The following ATG12 variants were observed in gnomAD, a reference collection of about 807,000 sequenced individuals.
ATG12 encodes ubiquitin-like protein ATG12.
Under a neutral mutation model 17.6 loss-of-function variants are expected in ATG12, and 19 were observed. The observed-to-expected ratio is 1.08, with a 90% confidence interval of 0.75 to 1.58. The LOEUF (loss-of-function observed/expected upper bound fraction) is 1.58, where lower values mean the gene tolerates loss of function less well. ATG12 is among the 40% of genes most tolerant of loss of function. ATG12 has a pLI of 0.00. For synonymous variants in ATG12, 75 were observed against 62.4 expected, an observed-to-expected ratio of 1.20 and a Z score of -0.95; for missense variants, 214 against 162.0, an observed-to-expected ratio of 1.32 and a Z score of -1.74.
At chr5:115,841,271 G>A (rs2112739595) in intron 1 of ATG12, 119 bp downstream of exon 1, 1 of 1,320,008 alleles carries the variant, frequency 7.6e-7, no homozygotes, top group Non-Finnish European at 1.0e-6. Flanking sequence ...TCTGATGACT[G>A]GTCAAAATGC....
Position 115,835,899 on chromosome 5 carries a change from T to C in ATG12, c.300+1729A>G, listed in dbSNP as rs187525033. Among the ~76,000 whole-genome samples, 11 of 152,218 alleles carry C rather than the reference T, an allele frequency of 7.2e-5. No homozygotes were observed. The East Asian group carries it at 1.9e-3, about 27-fold the overall frequency. ...CATGGGGATACCTTATCACCTAGTTTTGTTACAAATACTAATCAGGGGTTT... is the reference window on the plus strand; with the variant it reads ...CATGGGGATACCTTATCACCTAGTTCTGTTACAAATACTAATCAGGGGTTT... On this transcript the variant is annotated intron_variant, in intron 2 of 3. Coordinates refer to ENST00000509910, the MANE Select transcript of ATG12 (RefSeq NM_004707.4).
At chr5:115,840,843 A>G in intron 1 of ATG12, 1 of 1,255,140 alleles carries the variant, frequency 8.0e-7, no homozygotes, top group Non-Finnish European at 1.0e-6. Context: ...TGTTTCTTAA[A>G]AAGGTAACAT....
rs61735405 is a variant in ATG12, at chr5:115,841,548, G to A, written c.5C>T (p.Ala2Val). The A allele has an allele frequency of 5.1e-5, 82 of 1,613,696 alleles. No homozygotes were observed. The highest frequency in any genetic ancestry group is 6.0e-5 in the Non-Finnish European group (71 of 1,179,848). The change falls in exon 1 of 4, where the codon GCG becomes GTG. Residue 2 changes from alanine (A) to valine (V), a missense_variant. By Grantham distance (64) the Ala-to-Val change is moderately conservative. Coordinates refer to ENST00000509910, the MANE Select transcript of ATG12 (RefSeq NM_004707.4). ...CTGCAACACAGACTGCGGCTCCTCC[G>A]CCATCTTGCTTGGAGACACTCGAGA... M[A>V]EEPQSVLQLP...
intron 2 of ATG12, chr5:115,832,903 T>TACA (rs1760947417): frequency 2.7e-6 from 1 of 368,338 alleles, no homozygotes; most frequent in Non-Finnish European, 4.9e-6. Flanking sequence ...TAACTTTGTA[T>TACA]AACTAAGAAA....
At chr5:115,841,102 C>G (rs1761428023) in intron 1 of ATG12, 1 of 352,726 alleles carries the variant, frequency 2.8e-6, no homozygotes, top group African/African-American at 2.3e-5. Flanking sequence ...CACTCAGCTC[C>G]CTCCCTCCTT....
At chr5:115,839,349 T>TA (rs1761234218) in intron 1 of ATG12, 1 of 152,052 alleles carries the variant, frequency 6.6e-6, no homozygotes, top group Non-Finnish European at 1.5e-5. Flanking sequence ...AAGAACTACT[T>TA]AATTATCCTA....
intron 2 of ATG12, chr5:115,835,060 T>C (rs1407262139): frequency 6.6e-6 from 1 of 152,182 alleles, no homozygotes; most frequent in Admixed American, 6.5e-5. Context: ...ATGTTCCTCC[T>C]ACTTTAGTCT....
chr5:115,839,577 T>C (rs1189654077), intron 1 of ATG12: 1 of 152,064 alleles, frequency 6.6e-6, no homozygotes, highest in Non-Finnish European at 1.5e-5. Flanking sequence ...AGAAGGAAAA[T>C]AATTTAATTA....
chr5:115,838,948 C>G (rs1431674059), intron 1 of ATG12: 2 of 152,056 alleles, frequency 1.3e-5, no homozygotes, highest in Admixed American at 6.5e-5. Flanking sequence ...ATGGTGAAAC[C>G]CCATCTCTAC....
In ATG12 at chr5:115,841,527, A is replaced by C. The variant is rs767122345; in HGVS notation, c.26T>G (p.Leu9Trp). The C allele has an allele frequency of 6.2e-7, 1 of 1,613,490 alleles. No homozygotes were observed. Among genetic ancestry groups the C allele is most frequent in the Non-Finnish European group, 8.5e-7 (1 of 1,179,788 alleles). MAEEPQSV[L>W]QLPTSIAAGG... ...AGCAGCAATTGAAGTAGGAAGCTGC[A>C]ACACAGACTGCGGCTCCTCCGCCAT... Residue 9 changes from leucine to tryptophan, a missense_variant, in exon 1 of 4, where the codon TTG becomes TGG. Transcript: ENST00000509910.
chr5:115,832,560 GTAAT>G (rs1760919393), intron 3 of ATG12, 38 bp downstream of exon 3: 7 of 1,244,990 alleles, frequency 5.6e-6, no homozygotes, highest in Non-Finnish European at 6.1e-6. Flanking sequence ...AAAAAAAGCA[GTAAT>G]TTCTTTCTTT....
At chr5:115,840,112 C>T (rs963405721) in intron 1 of ATG12, among the ~76,000 whole-genome samples, 4 of 152,068 alleles carry the variant, frequency 2.6e-5, no homozygotes, top group Non-Finnish European at 5.9e-5. Context: ...AGAAAAAATG[C>T]AACAAAACAC....
At chr5:115,837,002 G>C (rs1761130009) in intron 2 of ATG12, among the ~76,000 whole-genome samples, 1 of 152,096 alleles carries the variant, frequency 6.6e-6, no homozygotes, top group Non-Finnish European at 1.5e-5. Flanking sequence ...TAGGAAAAAA[G>C]TAACTGCTAT....
chr5:115,833,914 T>C (rs1197849062), intron 2 of ATG12: 1 of 152,212 alleles, frequency 6.6e-6, no homozygotes, highest in Non-Finnish European at 1.5e-5. Context: ...TCAGTGTCTA[T>C]GATGTGCTGA....
intron 1 of ATG12, chr5:115,838,917 T>C (rs1761213257): frequency 6.6e-6 from 1 of 152,210 alleles, no homozygotes; most frequent in South Asian, 2.1e-4. Context: ...CAACTTCTTG[T>C]TCACGACCAG....
rs757272941 is a variant in ATG12 at position 115,837,814 on chromosome 5, G to A, written c.164-50C>T. On this transcript the variant is annotated intron_variant, in intron 1 of 3. Coordinates refer to ENST00000509910, the MANE Select transcript of ATG12 (RefSeq NM_004707.4). ...TGACAATTACACTGAAACATCTAAA[G>A]AGAATGGAATATAAAAGACTTAGAA... The A allele has an allele frequency of 8.8e-6, 13 of 1,478,572 alleles. No individual in the cohort carries two copies. The Admixed American group carries it at 2.3e-4, about 26-fold the overall frequency. The allele number at this position is 1,478,572 out of a possible 1,614,324, so 91.6% of individuals were successfully genotyped here.
In ATG12 at chr5:115,830,135, A is replaced by AG. The variant is rs2112713940; in HGVS notation, c.*1668_*1669insC. ...GCTGTCTCTTTAAAAAAAAAAAAAA[A>AG]AAAAAAAAGTGCAAAGTCCTATGTA... is the stretch of plus-strand genomic sequence containing the variant. On this transcript the variant is annotated 3_prime_UTR_variant, in exon 4 of 4. Coordinates refer to ENST00000509910, the MANE Select transcript of ATG12 (RefSeq NM_004707.4). 1 of 151,722 alleles carries AG rather than the reference A, an allele frequency of 6.6e-6. No individual in the cohort carries two copies. Among genetic ancestry groups the AG allele is most frequent in the East Asian group, 1.9e-4 (1 of 5,164 alleles). 9.4% of individuals were successfully genotyped at this position (151,722 alleles called of 1,614,324 possible).
intron 3 of ATG12, 96 bp from the exon 4 acceptor site, chr5:115,831,959 C>T (rs895907695): frequency 3.4e-6 from 4 of 1,165,740 alleles, no homozygotes; most frequent in East Asian, 2.5e-5. Context: ...AATATCCACA[C>T]ACGTATATTA....
Position 115,828,694 on chromosome 5 carries a change from T to G in ATG12, c.*3110A>C, listed in dbSNP as rs1760737087. 1 of 152,220 alleles carries G rather than the reference T, an allele frequency of 6.6e-6. No homozygotes were observed. Among genetic ancestry groups the G allele is most frequent in the South Asian group, 2.1e-4 (1 of 4,832 alleles). 9.4% of individuals were successfully genotyped at this position (152,220 alleles called of 1,614,324 possible). A position where few individuals can be genotyped will look rare whatever the true frequency, so the allele number is the denominator to read the frequency against. ...ACAAAATTTCCTTTGTTTTTAGCTG[T>G]CATACTTTGCTAATCACAATTTCAT... On this transcript the variant is annotated 3_prime_UTR_variant, in exon 4 of 4. Transcript: ENST00000509910.
Sources: allele counts gnomAD v4.1 joint callset (sites outside exome capture counted in the v4.1 genomes callset), GRCh38; gene constraint gnomAD v4.1.1; transcripts MANE v1.5; gene names NCBI Gene and HGNC (gene_info 2026-07-23, HGNC 2026-07-21).